Variants in SLC25A24 observed in about 807,000 individuals in gnomAD.
SLC25A24 encodes the protein solute carrier family 25 member 24.
In SLC25A24, 49 loss-of-function variants were observed where a neutral mutation model predicts 60.7. The ratio of observed to expected loss-of-function variants is 0.81; its 90% CI spans 0.64 to 1.02. The LOEUF (loss-of-function observed/expected upper bound fraction) is 1.02, where lower values mean the gene tolerates loss of function less well. Ranked by LOEUF, SLC25A24 falls within the 50% of genes least tolerant of loss-of-function variation. The pLI, the probability that SLC25A24 is intolerant of heterozygous loss-of-function variation, is 0.00. For missense variants in SLC25A24, 564 were observed against 586.3 expected (o/e 0.96, Z 0.39); for synonymous variants, 202 against 200.6 (o/e 1.01, Z -0.06).
chr1:108,162,538 T>C (rs1251727403), intron 3 of SLC25A24, among the ~76,000 whole-genome samples: 4 of 151,152 alleles, frequency 2.6e-5, no homozygotes, highest in African/African-American at 9.7e-5. Flanking sequence ...ATTTCTCTGA[T>C]GGCCAGTGAT....
At chr1:108,154,229 A>G (rs1679829227) in intron 6 of SLC25A24, among the ~76,000 whole-genome samples, 1 of 146,836 alleles carries the variant, frequency 6.8e-6, no homozygotes, top group Non-Finnish European at 1.5e-5. Flanking sequence ...ATGGGGGGGG[A>G]GTTGAATTTC....
At chr1:108,139,290 T>G (rs1679379166) in intron 8 of SLC25A24, 82 bp from the exon 9 acceptor site, 1 of 1,375,026 alleles carries the variant, frequency 7.3e-7, no homozygotes, top group Non-Finnish European at 9.8e-7. Context: ...CTCAACCTCA[T>G]GAGAAGCCCC....
chr1:108,155,950 AAC>A (rs58815373), intron 5 of SLC25A24, among the ~76,000 whole-genome samples: 21,465 of 148,986 alleles, frequency 0.14, 1,610 homozygotes, highest in East Asian at 0.29. Flanking sequence ...ACTACCACTA[AAC>A]ACACACACAC....
In SLC25A24 at chr1:108,135,346, G is replaced by A. The variant is rs1232777366; in HGVS notation, c.*1307C>T. ...TACATCATTAGATTTTCATTAAAATGCTGGAAATTTATAACAGAAATTATT... is the reference window on the plus strand; with the variant it reads ...TACATCATTAGATTTTCATTAAAATACTGGAAATTTATAACAGAAATTATT... On this transcript the variant is annotated 3_prime_UTR_variant, in exon 10 of 10. Coordinates refer to ENST00000565488, the MANE Select transcript of SLC25A24 (RefSeq NM_013386.5). 1.3e-5 allele frequency: 2 copies of A among 152,522 alleles called. No individual in the cohort carries two copies. The highest frequency in any genetic ancestry group is 6.6e-5 in the Admixed American group (1 of 15,262). The allele number at this position is 152,522 out of a possible 1,614,324, so 9.4% of individuals were successfully genotyped here. A position where few individuals can be genotyped will look rare whatever the true frequency, so the allele number is the denominator to read the frequency against.
chr1:108,194,924 A>G (rs933634055), intron 1 of SLC25A24, among the ~76,000 whole-genome samples: 2 of 152,228 alleles, frequency 1.3e-5, no homozygotes, highest in Non-Finnish European at 2.9e-5. Flanking sequence ...AAAACATTTG[A>G]ACCCTGTTCT....
intron 7 of SLC25A24, among the ~76,000 whole-genome samples, chr1:108,145,274 G>A (rs1679554140): frequency 1.3e-5 from 2 of 151,808 alleles, no homozygotes; most frequent in Admixed American, 6.6e-5. Flanking sequence ...TTTTTTTCTT[G>A]TAAATTTGCT....
chr1:108,161,212 C>T lies in SLC25A24; in HGVS notation c.480G>A (p.Glu160=), dbSNP rs11185293. 117,482 of 1,584,874 alleles carry T rather than the reference C, an allele frequency of 0.074. 4,934 individuals are homozygous for T. Among genetic ancestry groups the T allele is most frequent in the Non-Finnish European group, 0.084 (96,427 of 1,154,412 alleles). ...YFLFNPVTDI[E]EIIRFWKHST... ...AATGTTTCCAGAAACGGATAATTTC[C>T]TCAATGTCTGTAACAGGATTAAATA... is the stretch of plus-strand genomic sequence containing the variant. The change falls in exon 4 of 10, where the codon GAG becomes GAA. Residue 160 remains glutamate, a synonymous_variant. Transcript: ENST00000565488.
chr1:108,186,022 A>G lies in SLC25A24; in HGVS notation c.184-68T>C. On this transcript the variant is annotated intron_variant, in intron 1 of 9. Coordinates refer to ENST00000565488, the MANE Select transcript of SLC25A24 (RefSeq NM_013386.5). ...GATGCACTAAATTATTTCTACACAT[A>G]TTTCAAGCAGATTAGCTGTTTTCCT... The G allele has an allele frequency of 4.8e-6, 6 of 1,256,662 alleles. No individual in the cohort carries two copies. The South Asian group carries it at 8.9e-5, about 19-fold the overall frequency. 77.8% of individuals were successfully genotyped at this position (1,256,662 alleles called of 1,614,324 possible).
At chr1:108,189,251 C>T (rs2101644741) in intron 1 of SLC25A24, among the ~76,000 whole-genome samples, 1 of 152,284 alleles carries the variant, frequency 6.6e-6, no homozygotes, top group South Asian at 2.1e-4. Context: ...CTTAACAATA[C>T]AATAGTCCTC....
Position 108,188,198 on chromosome 1 carries a change from T to C in SLC25A24, c.184-2244A>G, listed in dbSNP as rs79181547. On this transcript the variant is annotated intron_variant, in intron 1 of 9. Coordinates refer to ENST00000565488, the MANE Select transcript of SLC25A24 (RefSeq NM_013386.5). ...CATGGGGTGCACACGGATATAAAGA[T>C]GGGAAAAGCAGAAACTGGGGACTAC... Among the ~76,000 whole-genome samples, 5 of 151,526 alleles carry C rather than the reference T, an allele frequency of 3.3e-5. No individual in the cohort carries two copies. In the East Asian group the frequency reaches 7.8e-4, roughly 24 times the overall value.
intron 7 of SLC25A24, 24 bp downstream of exon 7, chr1:108,148,255 G>T: frequency 7.4e-7 from 1 of 1,353,624 alleles, no homozygotes; most frequent in Non-Finnish European, 1.1e-6. Context: ...CCATCACACA[G>T]TCAGACTTGA....
Position 108,200,176 on chromosome 1 carries a change from C to G in SLC25A24, c.-38G>C. 1.3e-6 allele frequency: 2 copies of G among 1,519,536 alleles called. No homozygotes were observed. Among genetic ancestry groups the G allele is most frequent in the Non-Finnish European group, 1.8e-6 (2 of 1,137,372 alleles). The allele number at this position is 1,519,536 out of a possible 1,614,324, so 94.1% of individuals were successfully genotyped here. A position where few individuals can be genotyped will look rare whatever the true frequency, so the allele number is the denominator to read the frequency against. Reference sequence around the variant, plus strand: ...GCAGGCGGCCTGGCCGAGGAAGTCACGGGAGATCGAGGGCTGCGGGGCGAG... The same window carrying G: ...GCAGGCGGCCTGGCCGAGGAAGTCAGGGGAGATCGAGGGCTGCGGGGCGAG... On this transcript the variant is annotated 5_prime_UTR_variant, in exon 1 of 10. Coordinates refer to ENST00000565488, the MANE Select transcript of SLC25A24 (RefSeq NM_013386.5).
At chr1:108,186,006 A>C (rs773921000) in intron 1 of SLC25A24, 52 bp from the exon 2 acceptor site, 34 of 1,377,150 alleles carry the variant, frequency 2.5e-5, no homozygotes, top group Admixed American at 2.0e-4. Context: ...TGATGCACTA[A>C]ATTATTTCTA....
chr1:108,185,934 A>G lies in SLC25A24; in HGVS notation c.204T>C (p.Asp68=), dbSNP rs1218289796. The change falls in exon 2 of 10, where the codon GAT becomes GAC. Residue 68 remains aspartate (D), a synonymous_variant. Transcript: ENST00000565488. ...AATCCAGCTTCCCATCTTTGTTGAC[A>G]TCTCCAGTAGTAAAAATTTTCTATA... ...DAEEKIFTTG[D]VNKDGKLDFE... is the part of the protein sequence containing the mutation. 3 of 1,595,658 alleles carry G rather than the reference A, an allele frequency of 1.9e-6. No individual in the cohort carries two copies. The African/African-American group carries it at 4.0e-5, about 22-fold the overall frequency.
intron 3 of SLC25A24, among the ~76,000 whole-genome samples, chr1:108,172,822 A>G (rs1008348286): frequency 1.3e-5 from 2 of 152,198 alleles, no homozygotes; most frequent in Non-Finnish European, 2.9e-5. Flanking sequence ...GGGAAGGTCC[A>G]TGATGGTTAT....
At chr1:108,198,061 C>A (rs1000352030) in intron 1 of SLC25A24, among the ~76,000 whole-genome samples, 4 of 152,180 alleles carry the variant, frequency 2.6e-5, no homozygotes, top group Non-Finnish European at 5.9e-5. Context: ...TGTCCACTTC[C>A]ACTTTGACTT....
At chr1:108,147,133 T>G (rs1371003613) in intron 7 of SLC25A24, among the ~76,000 whole-genome samples, 1 of 152,192 alleles carries the variant, frequency 6.6e-6, no homozygotes, top group Admixed American at 6.5e-5. Context: ...TCTTCCTGAT[T>G]TAGTCTTGGG....
At chr1:108,143,063 T>C (rs1679485048) in intron 8 of SLC25A24, among the ~76,000 whole-genome samples, 1 of 152,196 alleles carries the variant, frequency 6.6e-6, no homozygotes, top group Non-Finnish European at 1.5e-5. Context: ...TTGAGTCCTT[T>C]GAATCCCCAG....
chr1:108,196,120 A>C (rs1035165689), intron 1 of SLC25A24, among the ~76,000 whole-genome samples: 4 of 152,176 alleles, frequency 2.6e-5, no homozygotes, highest in Non-Finnish European at 5.9e-5. Flanking sequence ...AACATTTGCT[A>C]AGCTACTATT....
Sources: allele counts gnomAD v4.1 joint callset (sites outside exome capture counted in the v4.1 genomes callset), GRCh38; gene constraint gnomAD v4.1.1; transcripts MANE v1.5; gene names NCBI Gene and HGNC (gene_info 2026-07-23, HGNC 2026-07-21).